Variants in C18orf54 observed in about 807,000 individuals in gnomAD.
C18orf54 encodes the protein lung adenoma susceptibility protein 2.
Under a neutral mutation model 49.3 loss-of-function variants are expected in C18orf54, and 49 were observed. That is an observed-to-expected ratio of 0.99 (90% CI 0.79 to 1.26). C18orf54 has a LOEUF of 1.26. Ranked by LOEUF, C18orf54 falls within the 50% of genes most tolerant of loss-of-function variation. The pLI is 0.00. For missense variants in C18orf54, 687 were observed against 620.6 expected (o/e 1.11, Z -1.14); for synonymous variants, 211 against 216.6 (o/e 0.97, Z 0.23).
rs1337596277 is a variant in C18orf54 at position 54,374,224 on chromosome 18, A to G, written c.1469A>G (p.Asp490Gly). 7.0e-6 allele frequency: 11 copies of G among 1,576,970 alleles called. No individual in the cohort carries two copies. Among genetic ancestry groups the G allele is most frequent in the Non-Finnish European group, 9.5e-6 (11 of 1,160,756 alleles). Residue 490 changes from aspartate (D) to glycine (G), a missense_variant, in exon 8 of 9, where the codon GAT (aspartate) becomes GGT (glycine). Transcript: ENST00000620105. ...PKEEIKQVSE[D>G]DFSKLQLKES... ...TGTTTTTAATAATAGGTTTCAGAAG[A>G]TGATTTCTCTAAATTACAGTTGAAG... is the stretch of plus-strand genomic sequence containing the variant.
intron 6 of C18orf54, 152 bp downstream of exon 6, chr18:54,365,973 A>G (rs1011866385): frequency 3.5e-6 from 1 of 286,272 alleles, no homozygotes; most frequent in African/African-American, 2.2e-5. Context: ...TATTGATTAT[A>G]TTATTTTTTA....
At chr18:54,378,072 T>G in intron 8 of C18orf54, 102 bp from the exon 9 acceptor site, 1 of 703,492 alleles carries the variant, frequency 1.4e-6, no homozygotes, top group Non-Finnish European at 2.2e-6. Context: ...CTCATACCAA[T>G]TTTGAAGTTA....
At chr18:54,370,120 A>G (rs541051321) in intron 6 of C18orf54, among the ~76,000 whole-genome samples, 9 of 152,178 alleles carry the variant, frequency 5.9e-5, no homozygotes, top group African/African-American at 2.2e-4. Context: ...ACTAAAAAAT[A>G]TAAAAAATGA....
At chr18:54,359,843 C>T (rs972803586) in intron 2 of C18orf54, among the ~76,000 whole-genome samples, 1 of 152,138 alleles carries the variant, frequency 6.6e-6, no homozygotes, top group Admixed American at 6.5e-5. Flanking sequence ...ATTATTTAAG[C>T]TTCCTTTGAA....
chr18:54,373,624 A>G (rs1039582628), intron 7 of C18orf54, among the ~76,000 whole-genome samples: 1 of 151,770 alleles, frequency 6.6e-6, no homozygotes, highest in Non-Finnish European at 1.5e-5. Context: ...GGCTTATTTC[A>G]TTTATCAATT....
rs1302481369 is a variant in C18orf54, at chr18:54,360,231, CTTT to C, written c.-46-293_-46-291del. On this transcript the variant is annotated intron_variant, in intron 2 of 8. Coordinates refer to ENST00000620105, the MANE Select transcript of C18orf54 (RefSeq NM_001288980.2). ...AGAGGTTCATAAGTAGTTTTTAGGA[CTTT>C]TTAAGAAGTGAGTACTCTCTCCTTG... is the stretch of plus-strand genomic sequence containing the variant. 3.3e-5 allele frequency among the ~76,000 whole-genome samples: 5 copies of C among 152,190 alleles called. No homozygotes were observed. In the East Asian group the frequency reaches 7.7e-4, roughly 23 times the overall value.
rs919764709 is a variant in C18orf54, at chr18:54,379,940, T to G, written c.*1694T>G. ...CCTATTCATGAGAACATATCTCCAA[T>G]ACTAAATGAGATAAGCCTGTTCTAA... On this transcript the variant is annotated 3_prime_UTR_variant, in exon 9 of 9. Transcript: ENST00000620105. 2.0e-5 allele frequency: 3 copies of G among 152,104 alleles called. No individual in the cohort carries two copies. The highest frequency in any genetic ancestry group is 4.8e-5 in the African/African-American group (2 of 41,452). 9.4% of individuals were successfully genotyped at this position (152,104 alleles called of 1,614,324 possible).
intron 8 of C18orf54, among the ~76,000 whole-genome samples, chr18:54,376,755 G>C (rs553283488): frequency 6.6e-6 from 1 of 152,338 alleles, no homozygotes; most frequent in East Asian, 1.9e-4. Context: ...AAAGGTGAGA[G>C]AATTGAGAGT....
intron 8 of C18orf54, among the ~76,000 whole-genome samples, chr18:54,375,260 T>C (rs904799859): frequency 6.6e-6 from 1 of 151,806 alleles, no homozygotes; most frequent in Non-Finnish European, 1.5e-5. Context: ...CTTCACAACC[T>C]TATGAAGTAA....
rs1365449403 is a variant in C18orf54 at position 54,380,870 on chromosome 18, T to A, written c.*2624T>A. On this transcript the variant is annotated 3_prime_UTR_variant, in exon 9 of 9. Coordinates refer to ENST00000620105, the MANE Select transcript of C18orf54 (RefSeq NM_001288980.2). Reference sequence around the variant, plus strand: ...CATTTTTTTCTGTCCCACCCTTCACTCTCTCTGTTTCAGAACATTTTTGGT... The same window carrying A: ...CATTTTTTTCTGTCCCACCCTTCACACTCTCTGTTTCAGAACATTTTTGGT... The A allele has an allele frequency of 1.3e-5, 2 of 152,102 alleles. No individual in the cohort carries two copies. Among genetic ancestry groups the A allele is most frequent in the East Asian group, 3.9e-4 (2 of 5,194 alleles). 9.4% of individuals were successfully genotyped at this position (152,102 alleles called of 1,614,324 possible). A position where few individuals can be genotyped will look rare whatever the true frequency, so the allele number is the denominator to read the frequency against.
chr18:54,362,090 A>G lies in C18orf54; in HGVS notation c.731A>G (p.Gln244Arg), dbSNP rs1568182025. 1 of 1,540,974 alleles carries G rather than the reference A, an allele frequency of 6.5e-7. No individual in the cohort carries two copies. Among genetic ancestry groups the G allele is most frequent in the Non-Finnish European group, 8.7e-7 (1 of 1,147,458 alleles). The change falls in exon 4 of 9, where the codon CAG becomes CGG. Residue 244 changes from glutamine (Q) to arginine (R), a missense_variant. Transcript: ENST00000620105. ...AATTACCCAAGATGGCTCACTAGCC[A>G]GAAATCTGACCTTAATGTTTCAGGG... is the stretch of plus-strand genomic sequence containing the variant. The part of the protein sequence containing the change: ...EKNYPRWLTS[Q>R]KSDLNVSGIT...
At chr18:54,360,968 C>T (rs2089257829) in intron 3 of C18orf54, 113 bp downstream of exon 3, 2 of 1,015,644 alleles carry the variant, frequency 2.0e-6, no homozygotes, top group South Asian at 3.3e-5. Context: ...GTAAAAATAA[C>T]ATAATATTGA....
intron 8 of C18orf54, among the ~76,000 whole-genome samples, chr18:54,375,981 C>T (rs1048900544): frequency 2.6e-5 from 4 of 152,046 alleles, no homozygotes; most frequent in Admixed American, 6.5e-5. Context: ...TTCCTTTTTC[C>T]AGGCGGCAAA....
chr18:54,375,199 T>A (rs183841447), intron 8 of C18orf54, among the ~76,000 whole-genome samples: 1 of 151,950 alleles, frequency 6.6e-6, no homozygotes, highest in African/African-American at 2.4e-5. Flanking sequence ...TAACATTGAA[T>A]GTTTACCAAA....
intron 6 of C18orf54, among the ~76,000 whole-genome samples, chr18:54,371,410 T>G (rs2144744764): frequency 6.6e-6 from 1 of 152,314 alleles, no homozygotes; most frequent in African/African-American, 2.4e-5. Flanking sequence ...TCTTGGGTTA[T>G]CTGCATCTTT....
intron 3 of C18orf54, among the ~76,000 whole-genome samples, chr18:54,361,435 A>C: frequency 6.6e-6 from 1 of 152,232 alleles, no homozygotes; most frequent in East Asian, 1.9e-4. Flanking sequence ...GGTTGGAGAG[A>C]AACGTAGAAA....
At position 54,378,342 on chromosome 18, in the gene C18orf54, A is replaced by G; in HGVS notation, c.*96A>G. Reference sequence around the variant, plus strand: ...AACTGACAAAGTAAATATAAGCCATACATTATTTTGTGGTTGGTTCAAGGA... The same window carrying G: ...AACTGACAAAGTAAATATAAGCCATGCATTATTTTGTGGTTGGTTCAAGGA... On this transcript the variant is annotated 3_prime_UTR_variant, in exon 9 of 9. Coordinates refer to ENST00000620105, the MANE Select transcript of C18orf54 (RefSeq NM_001288980.2). The G allele has an allele frequency of 9.1e-7, 1 of 1,101,418 alleles. No homozygotes were observed. Among genetic ancestry groups the G allele is most frequent in the Non-Finnish European group, 1.3e-6 (1 of 753,140 alleles). The allele number at this position is 1,101,418 out of a possible 1,614,324, so 68.2% of individuals were successfully genotyped here.
chr18:54,361,393 C>A (rs1269599230), intron 3 of C18orf54, among the ~76,000 whole-genome samples: 2 of 151,950 alleles, frequency 1.3e-5, no homozygotes, highest in African/African-American at 4.8e-5. Flanking sequence ...GTTGAAGGAA[C>A]AGTAAATTAG....
At chr18:54,376,181 A>G (rs935729129) in intron 8 of C18orf54, among the ~76,000 whole-genome samples, 3 of 152,196 alleles carry the variant, frequency 2.0e-5, no homozygotes, top group Admixed American at 2.0e-4. Context: ...TGTTTTTAAT[A>G]ATTTGGATGG....
Sources: gnomAD v4.1 joint callset for allele counts (sites outside exome capture counted in the v4.1 genomes callset) on GRCh38, gnomAD v4.1.1 for gene constraint, MANE v1.5 for transcripts, NCBI Gene and HGNC (gene_info 2026-07-23, HGNC 2026-07-21) for gene names.